Variants in NPAS3 observed in about 807,000 individuals in gnomAD.
NPAS3 encodes the protein neuronal PAS domain-containing protein 3.
NPAS3 carries 14 observed loss-of-function variants against 73.1 expected under a neutral mutation model. The ratio of observed to expected loss-of-function variants is 0.19; its 90% confidence interval spans 0.13 to 0.30. The LOEUF (loss-of-function observed/expected upper bound fraction) is 0.30, where lower values mean the gene tolerates loss of function less well. Among genes scored for constraint, NPAS3 ranks in the 10% least tolerant of loss-of-function variants. NPAS3 has a pLI of 1.00. For missense variants in NPAS3, 1,096 were observed against 1,250.0 expected (o/e 0.88, Z 1.86); for synonymous variants, 620 against 541.5 (o/e 1.14, Z -2.01).
chr14:33,647,288 C>CTATA (rs1305979185), intron 5 of NPAS3, among the ~76,000 whole-genome samples: 7 of 149,848 alleles, frequency 4.7e-5, no homozygotes, highest in African/African-American at 1.5e-4. Context: ...CTCTCTCTCT[C>CTATA]TCTATATATA....
In NPAS3 at chr14:33,673,112, T is replaced by C. The variant is rs569626506; in HGVS notation, c.559-3099T>C. ...GCAAAGCATCTCCAGCTCCAGGGGATTGGCAGGCTGCCTGCCCTCAGCCTC... is the reference window on the plus strand; with the variant it reads ...GCAAAGCATCTCCAGCTCCAGGGGACTGGCAGGCTGCCTGCCCTCAGCCTC... On this transcript the variant is annotated intron_variant, in intron 5 of 11. Coordinates refer to ENST00000356141, the Ensembl canonical transcript of NPAS3. Among the ~76,000 whole-genome samples the C allele has an allele frequency of 5.9e-5, 9 of 152,334 alleles. No individual in the cohort carries two copies. The South Asian group carries it at 6.2e-4, about 11-fold the overall frequency.
chr14:33,235,770 GC>G (rs559640274), intron 3 of NPAS3, among the ~76,000 whole-genome samples: 68 of 147,158 alleles, frequency 4.6e-4, no homozygotes, highest in Middle Eastern at 3.6e-3. Flanking sequence ...AGTACATCTT[GC>G]GTACAAAAGA....
rs1007149009 is a variant in NPAS3 at position 33,294,634 on chromosome 14, C to T, written c.386-72552C>T. Among the ~76,000 whole-genome samples, 8 of 152,224 alleles carry T rather than the reference C, an allele frequency of 5.3e-5. No individual in the cohort carries two copies. The South Asian group carries it at 1.7e-3, about 32-fold the overall frequency. On this transcript the variant is annotated intron_variant, in intron 3 of 11. Transcript: ENST00000356141. ...TGTGTGATCAGCATGTATTTAATCA[C>T]GTGATGATTTAAATAAACTATTTAG...
chr14:32,944,655 A>G (rs1269530194), intron 1 of NPAS3, among the ~76,000 whole-genome samples: 2 of 152,198 alleles, frequency 1.3e-5, no homozygotes, highest in African/African-American at 4.8e-5. Context: ...GGATGTTTGC[A>G]CTATTAAGTT....
At chr14:33,566,202 C>T (rs2055923702) in intron 5 of NPAS3, among the ~76,000 whole-genome samples, 1 of 150,142 alleles carries the variant, frequency 6.7e-6, no homozygotes, top group Non-Finnish European at 1.5e-5. Flanking sequence ...AAGCAAATAG[C>T]GACCTGGTGA....
In NPAS3 at chr14:33,265,816, T is replaced by C. The variant is rs8013424; in HGVS notation, c.385+50390T>C. Among the ~76,000 whole-genome samples, 816 of 152,244 alleles carry C rather than the reference T, an allele frequency of 5.4e-3. 6 individuals are homozygous for C. The highest frequency in any genetic ancestry group is 0.019 in the African/African-American group (774 of 41,554). ...CAACCCCTTAAAAAAGGAATCTACG[T>C]TGGCTTTCTGATAGTCTATCATTAG... On this transcript the variant is annotated intron_variant, in intron 3 of 11. Transcript: ENST00000356141.
At chr14:33,064,950 G>A (rs1414925918) in intron 2 of NPAS3, among the ~76,000 whole-genome samples, 1 of 151,754 alleles carries the variant, frequency 6.6e-6, no homozygotes, top group Admixed American at 6.6e-5. Flanking sequence ...CTTATTTGGG[G>A]GAAGCTGGAA....
intron 3 of NPAS3, among the ~76,000 whole-genome samples, chr14:33,333,425 T>C (rs1432330943): frequency 2.6e-5 from 4 of 152,218 alleles, no homozygotes; most frequent in Non-Finnish European, 5.9e-5. Flanking sequence ...TTTACCTATA[T>C]TGTTATATTT....
intron 3 of NPAS3, among the ~76,000 whole-genome samples, chr14:33,316,559 G>A (rs1237177302): frequency 6.6e-6 from 1 of 151,932 alleles, no homozygotes; most frequent in East Asian, 1.9e-4. Flanking sequence ...ACTAATTTCT[G>A]TTACTATATT....
intron 4 of NPAS3, among the ~76,000 whole-genome samples, chr14:33,552,241 G>A (rs991025464): frequency 2.0e-5 from 3 of 152,180 alleles, no homozygotes; most frequent in East Asian, 1.9e-4. Context: ...CAGCTATATC[G>A]AGGTGTGAAA....
rs1441102457 is a variant in NPAS3 at position 33,446,505 on chromosome 14, C to CATAG, written c.468+79241_468+79244dup. ...ATGCTTTCTAATAAGCAAGAGGATA[C>CATAG]ATAGATATTCCTGAAATTCTTTCAT... is the stretch of plus-strand genomic sequence containing the variant. On this transcript the variant is annotated intron_variant, in intron 4 of 11. Coordinates refer to ENST00000356141, the Ensembl canonical transcript of NPAS3. Among the ~76,000 whole-genome samples the CATAG allele has an allele frequency of 2.0e-5, 3 of 152,312 alleles. No individual in the cohort carries two copies. In the East Asian group the frequency reaches 5.8e-4, roughly 29 times the overall value.
At chr14:33,244,073 G>A (rs193271614) in intron 3 of NPAS3, among the ~76,000 whole-genome samples, 1 of 151,536 alleles carries the variant, frequency 6.6e-6, no homozygotes. Context: ...CATGTTGGGT[G>A]TCTTTTGCAC....
chr14:33,129,329 A>G (rs1022430114), intron 2 of NPAS3, among the ~76,000 whole-genome samples: 25 of 152,196 alleles, frequency 1.6e-4, no homozygotes, highest in African/African-American at 4.8e-4. Context: ...TGAAAAAGCC[A>G]TCTGGACAAT....
intron 3 of NPAS3, among the ~76,000 whole-genome samples, chr14:33,278,913 A>G (rs10136377): frequency 0.44 from 66,791 of 152,046 alleles, 15,941 homozygotes; most frequent in African/African-American, 0.62. Context: ...TTCTTGAAGA[A>G]CAGCATAATA....
At chr14:33,176,026 A>G (rs1423539967) in intron 2 of NPAS3, among the ~76,000 whole-genome samples, 1 of 152,128 alleles carries the variant, frequency 6.6e-6, no homozygotes, top group Non-Finnish European at 1.5e-5. Context: ...CATCCATTCA[A>G]TTTTATTACA....
chr14:33,197,598 G>T (rs976526512), intron 2 of NPAS3, among the ~76,000 whole-genome samples: 4 of 152,048 alleles, frequency 2.6e-5, no homozygotes, highest in Admixed American at 2.6e-4. Flanking sequence ...AAAAATAAAG[G>T]TAAAAGGTCA....
chr14:33,471,458 C>A (rs1241653401), intron 4 of NPAS3, among the ~76,000 whole-genome samples: 1 of 152,122 alleles, frequency 6.6e-6, no homozygotes, highest in Non-Finnish European at 1.5e-5. Flanking sequence ...CAGTGTGGTA[C>A]CCAGGAGTCA....
chr14:33,113,435 G>C (rs1373461917), intron 2 of NPAS3, among the ~76,000 whole-genome samples: 1 of 152,142 alleles, frequency 6.6e-6, no homozygotes, highest in Non-Finnish European at 1.5e-5. Context: ...AAGCAATTGT[G>C]AATGGGAGTC....
At chr14:32,990,962 T>G (rs2038309603) in intron 1 of NPAS3, among the ~76,000 whole-genome samples, 1 of 147,116 alleles carries the variant, frequency 6.8e-6, no homozygotes, top group African/African-American at 2.6e-5. Context: ...AGCCACTGAT[T>G]GGAGGATTAA....
Sources: gnomAD v4.1 joint callset for allele counts (sites outside exome capture counted in the v4.1 genomes callset) on GRCh38, gnomAD v4.1.1 for gene constraint, MANE v1.5 for transcripts, NCBI Gene and HGNC (gene_info 2026-07-23, HGNC 2026-07-21) for gene names.